The following CCDC68 variants were observed in gnomAD, a reference collection of about 807,000 sequenced individuals.
CCDC68 encodes coiled-coil domain-containing protein 68.
A neutral mutation model predicts 47.1 loss-of-function variants in CCDC68; 45 were observed. That is an observed-to-expected ratio of 0.96 (90% CI 0.75 to 1.23). The LOEUF (loss-of-function observed/expected upper bound fraction) is 1.23, where lower values mean the gene tolerates loss of function less well. Ranked by LOEUF, CCDC68 falls within the 50% of genes most tolerant of loss-of-function variation. CCDC68 has a pLI of 0.00. For missense variants in CCDC68, 353 were observed against 373.6 expected, an observed-to-expected ratio of 0.94 and a Z score of 0.45; for synonymous variants, 131 against 129.5, an observed-to-expected ratio of 1.01 and a Z score of -0.08.
At chr18:54,939,284 C>CAA (rs967845166) in intron 4 of CCDC68, among the ~76,000 whole-genome samples, 2 of 139,460 alleles carry the variant, frequency 1.4e-5, no homozygotes, top group African/African-American at 5.3e-5. Context: ...GAATATTTGA[C>CAA]AAAAAAAAAA....
intron 8 of CCDC68, among the ~76,000 whole-genome samples, chr18:54,922,660 C>T (rs745823408): frequency 6.6e-6 from 1 of 152,020 alleles, no homozygotes; most frequent in Non-Finnish European, 1.5e-5. Context: ...CAAGACCAGC[C>T]TGGCCAACAT....
intron 10 of CCDC68, 85 bp from the exon 11 acceptor site, chr18:54,907,947 G>A (rs1385407134): frequency 3.8e-6 from 3 of 785,894 alleles, no homozygotes; most frequent in African/African-American, 1.7e-5. Flanking sequence ...CCCAACACCT[G>A]CCTCACTCGT....
At chr18:54,909,259 C>T (rs531693049) in intron 10 of CCDC68, among the ~76,000 whole-genome samples, 3 of 152,236 alleles carry the variant, frequency 2.0e-5, no homozygotes, top group African/African-American at 4.8e-5. Context: ...AAAGTGTCTG[C>T]GACCAAAAGG....
At chr18:54,922,367 G>C (rs541767463) in intron 8 of CCDC68, among the ~76,000 whole-genome samples, 215 of 152,282 alleles carry the variant, frequency 1.4e-3, no homozygotes, top group African/African-American at 4.5e-3. Flanking sequence ...CGCCCACAGA[G>C]AATCTTCAGG....
intron 10 of CCDC68, among the ~76,000 whole-genome samples, chr18:54,910,055 G>A (rs142180385): frequency 1.3e-5 from 2 of 152,370 alleles, no homozygotes; most frequent in African/African-American, 4.8e-5. Flanking sequence ...GAGTGACCAA[G>A]ACAAAGAGGA....
intron 11 of CCDC68, among the ~76,000 whole-genome samples, chr18:54,906,041 T>C (rs1913988468): frequency 6.6e-6 from 1 of 152,130 alleles, no homozygotes; most frequent in South Asian, 2.1e-4. Context: ...CTCCCACTGA[T>C]TCTACATTAT....
chr18:54,936,175 AT>A (rs1005639660), intron 6 of CCDC68, among the ~76,000 whole-genome samples: 1 of 145,188 alleles, frequency 6.9e-6, no homozygotes, highest in African/African-American at 2.5e-5. Flanking sequence ...AGATATTATA[AT>A]TATATAGATA....
rs757699312 is a variant in CCDC68, at chr18:54,907,871, G to GA, written c.874-10dup. ...GTTTTTAGTTCTTTATTCTAAAATT[G>GA]AAAAAAAATGCAGACGTCAAATAGC... On this transcript the variant is annotated splice_polypyrimidine_tract_variant and intron_variant, in intron 10 of 11. Transcript: ENST00000591504. 73 of 1,518,692 alleles carry GA rather than the reference G, an allele frequency of 4.8e-5. No homozygotes were observed. Among genetic ancestry groups the GA allele is most frequent in the East Asian group, 6.8e-5 (3 of 44,344 alleles). The allele number at this position is 1,518,692 out of a possible 1,614,324, so 94.1% of individuals were successfully genotyped here. A position where few individuals can be genotyped will look rare whatever the true frequency, so the allele number is the denominator to read the frequency against.
At chr18:54,953,970 ACCCTCCCCTCCCCTC>A (rs140267914) in intron 1 of CCDC68, among the ~76,000 whole-genome samples, 1 of 86,812 alleles carries the variant, frequency 1.2e-5, no homozygotes, top group Middle Eastern at 5.9e-3. Flanking sequence ...AACAGCCAGG[ACCCTCCCCTCCCCTC>A]CCCTCCCCTC....
intron 10 of CCDC68, 40 bp from the exon 11 acceptor site, chr18:54,907,902 C>A: frequency 1.8e-6 from 2 of 1,086,756 alleles, no homozygotes; most frequent in Non-Finnish European, 2.9e-6. Context: ...ATAGCTAACA[C>A]ATTTATTAGC....
intron 5 of CCDC68, 48 bp downstream of exon 5, chr18:54,937,909 T>C (rs2056514320): frequency 2.6e-6 from 4 of 1,557,910 alleles, no homozygotes; most frequent in Admixed American, 3.6e-5. Context: ...CCCATTCTAT[T>C]AGCTCGAAGG....
At chr18:54,912,021 C>A (rs1914399205) in intron 10 of CCDC68, among the ~76,000 whole-genome samples, 1 of 152,128 alleles carries the variant, frequency 6.6e-6, no homozygotes, top group Non-Finnish European at 1.5e-5. Flanking sequence ...AATATGCCTG[C>A]CATTATTATG....
rs779376274 is a variant in CCDC68, at chr18:54,934,847, C to T, written c.573G>A (p.Leu191=). Reference sequence around the variant, plus strand: ...TTTCCATTCTCTGTACAAGGTTCTCCAATTCTGTAATTTGACTGTGTTTTT... The same window carrying T: ...TTTCCATTCTCTGTACAAGGTTCTCTAATTCTGTAATTTGACTGTGTTTTT... ...LEEKHSQITE[L]ENLVQRMEKE... The change falls in exon 7 of 12, where the codon TTG becomes TTA. Residue 191 remains leucine (L), a synonymous_variant. Coordinates refer to ENST00000591504, the MANE Select transcript of CCDC68 (RefSeq NM_025214.3). 1 of 1,592,714 alleles carries T rather than the reference C, an allele frequency of 6.3e-7. No individual in the cohort carries two copies. The highest frequency in any genetic ancestry group is 8.5e-7 in the Non-Finnish European group (1 of 1,170,764).
At chr18:54,914,794 A>C (rs956313113) in intron 10 of CCDC68, among the ~76,000 whole-genome samples, 2 of 152,178 alleles carry the variant, frequency 1.3e-5, no homozygotes, top group Non-Finnish European at 2.9e-5. Context: ...ATAATTGCTG[A>C]ATAGTCGGTA....
Position 54,938,009 on chromosome 18 carries a change from T to C in CCDC68, c.293A>G (p.Lys98Arg), listed in dbSNP as rs202150923. The change falls in exon 5 of 12, where the codon AAA (lysine) becomes AGA (arginine). Residue 98 changes from lysine (K) to arginine (R), a missense_variant. Physicochemically the swap from Lys to Arg is conservative, Grantham distance 26 (BLOSUM62 2). Transcript: ENST00000591504. Reference sequence around the variant, plus strand: ...GTTCATTTCTAAGAGCTGTAGGTCTTTTCCTTTTATCTTTTTCATAAGCAA... The same window carrying C: ...GTTCATTTCTAAGAGCTGTAGGTCTCTTCCTTTTATCTTTTTCATAAGCAA... The part of the protein sequence containing the change: ...LDLLMKKIKG[K>R]DLQLLEMNKE... The C allele has an allele frequency of 4.3e-6, 7 of 1,613,556 alleles. No individual in the cohort carries two copies. The East Asian group carries it at 1.3e-4, about 31-fold the overall frequency.
intron 8 of CCDC68, among the ~76,000 whole-genome samples, chr18:54,927,909 C>A (rs1178425158): frequency 6.6e-6 from 1 of 152,114 alleles, no homozygotes; most frequent in Non-Finnish European, 1.5e-5. Context: ...GGAAAGGAAG[C>A]AGCAGGGAGC....
At chr18:54,937,194 G>C in intron 5 of CCDC68, 1 of 493,332 alleles carries the variant, frequency 2.0e-6, no homozygotes, top group South Asian at 2.2e-5. Context: ...CCAAACCAGA[G>C]CTCTGTGCAT....
intron 7 of CCDC68, among the ~76,000 whole-genome samples, chr18:54,932,226 C>T (rs188540980): frequency 1.3e-5 from 2 of 151,624 alleles, no homozygotes; most frequent in Admixed American, 6.6e-5. Context: ...GCTGTATCAC[C>T]CAGGCTGAAG....
chr18:54,906,931 G>C (rs1914044958), intron 11 of CCDC68, among the ~76,000 whole-genome samples: 1 of 152,176 alleles, frequency 6.6e-6, no homozygotes, highest in African/African-American at 2.4e-5. Flanking sequence ...TTTAAAGAGA[G>C]AAGAATCTTC....
Sources: allele counts gnomAD v4.1 joint callset (sites outside exome capture counted in the v4.1 genomes callset), GRCh38; gene constraint gnomAD v4.1.1; transcripts MANE v1.5; gene names NCBI Gene and HGNC (gene_info 2026-07-23, HGNC 2026-07-21).